The following CHD2 variants were observed in gnomAD, a reference collection of about 807,000 sequenced individuals.
The protein encoded by CHD2 is ATP-dependent chromatin remodeler CHD2.
CHD2 carries 28 observed loss-of-function variants against 243.9 expected under a neutral mutation model. The observed-to-expected ratio is 0.11, with a 90% CI of 0.09 to 0.16. The LOEUF (loss-of-function observed/expected upper bound fraction) is 0.16. CHD2 is among the 10% of genes least tolerant of loss of function. CHD2 has a pLI of 1.00. For synonymous variants in CHD2, 775 were observed against 779.0 expected (o/e 0.99, Z 0.09); for missense variants, 1,386 against 2,209.8 (o/e 0.63, Z 7.47).
chr15:92,946,878 G>C (rs938655654), intron 12 of CHD2: 2 of 151,730 alleles, frequency 1.3e-5, no homozygotes, highest in African/African-American at 2.4e-5. Context: ...CGGCAGGATT[G>C]CTTGAGCACA....
intron 25 of CHD2, 88 bp from the exon 26 acceptor site, chr15:92,985,410 C>T (rs2054029773): frequency 1.5e-6 from 2 of 1,330,774 alleles, no homozygotes; most frequent in African/African-American, 2.9e-5. Context: ...GTTCTGAATA[C>T]TAAAGAATTA....
chr15:92,998,220 A>T lies in CHD2; in HGVS notation c.3886-279A>T. 1 of 1,093,958 alleles carries T rather than the reference A, an allele frequency of 9.1e-7. No individual in the cohort carries two copies. Among genetic ancestry groups the T allele is most frequent in the Non-Finnish European group, 1.1e-6 (1 of 898,230 alleles). 67.8% of individuals were successfully genotyped at this position (1,093,958 alleles called of 1,614,324 possible). A position where few individuals can be genotyped will look rare whatever the true frequency, so the allele number is the denominator to read the frequency against. ...GGATGCTCTAGCAGATGAAGCCACA[A>T]GCCCCTCCTACCTGAGTTGTTCTAC... On this transcript the variant is annotated intron_variant, in intron 30 of 38. Transcript: ENST00000394196. The surrounding 1 kb of genome is among the most constrained non-coding windows in gnomAD (Gnocchi z 5.1).
At chr15:92,945,681 A>C (rs1041522706) in intron 10 of CHD2, 140 bp from the exon 11 acceptor site, 2 of 494,768 alleles carry the variant, frequency 4.0e-6, no homozygotes, top group African/African-American at 4.0e-5. Context: ...TACAGGCGTG[A>C]GCCACTATAA....
Position 93,020,211 on chromosome 15 carries a change from G to A in CHD2, c.5106G>A (p.Gln1702=), listed in dbSNP as rs781108294. The A allele has an allele frequency of 6.4e-5, 104 of 1,614,070 alleles. 2 individuals carry two copies. The South Asian group carries it at 9.6e-4, about 15-fold the overall frequency. The part of the protein sequence containing the change: ...NNMSRKRPYD[Q]YSSDRDHRGH... Reference sequence around the variant, plus strand: ...TGTCCAGAAAGAGGCCTTATGACCAGTACAGCAGTGACCGAGACCACCGGG... The same window carrying A: ...TGTCCAGAAAGAGGCCTTATGACCAATACAGCAGTGACCGAGACCACCGGG... The change falls in exon 38 of 39, where the codon CAG becomes CAA. Residue 1702 remains glutamine (Q), a synonymous_variant. Coordinates refer to ENST00000394196, the MANE Select transcript of CHD2 (RefSeq NM_001271.4).
intron 19 of CHD2, among the ~76,000 whole-genome samples, chr15:92,972,901 G>A (rs2053861108): frequency 6.6e-6 from 1 of 152,030 alleles, no homozygotes; most frequent in African/African-American, 2.4e-5. Flanking sequence ...ATTTTTACTT[G>A]CATGCCTTTA....
chr15:92,986,435 G>C (rs2054043815), intron 26 of CHD2, among the ~76,000 whole-genome samples: 1 of 151,870 alleles, frequency 6.6e-6, no homozygotes, highest in African/African-American at 2.4e-5. Context: ...TTCACTTAAA[G>C]GTCACACCTA....
Position 92,981,465 on chromosome 15 carries a change from G to A in CHD2, c.3066+8G>A, listed in dbSNP as rs376968734. 3 of 1,601,096 alleles carry A rather than the reference G, an allele frequency of 1.9e-6. No individual in the cohort carries two copies. The African/African-American group carries it at 4.0e-5, about 21-fold the overall frequency. ...CTTCTATCACAGTTTAAGGTATGAA[G>A]ATCTTTGTGGGAGAGAGTTCTCAGC... On this transcript the variant is annotated splice_region_variant and intron_variant, in intron 24 of 38. Coordinates refer to ENST00000394196, the MANE Select transcript of CHD2 (RefSeq NM_001271.4).
chr15:92,941,882 A>G lies in CHD2; in HGVS notation c.753A>G (p.Glu251=), dbSNP rs368486032. The change falls in exon 8 of 39, where the codon GAA becomes GAG. Residue 251 remains glutamate (E), a synonymous_variant. Transcript: ENST00000394196. ...ATGATCTCATTGAAATGACTGGAGA[A>G]GGAGTTGATGAACAGCAAGATAATA... is the stretch of plus-strand genomic sequence containing the variant. ...DSDDLIEMTG[E]GVDEQQDNSE... 39 of 1,613,236 alleles carry G rather than the reference A, an allele frequency of 2.4e-5. No individual in the cohort carries two copies. In the African/African-American group the frequency reaches 4.0e-4, roughly 17 times the overall value.
In CHD2 at chr15:93,002,163, G is replaced by A. The variant is rs1486684796; in HGVS notation, c.4138-14G>A. On this transcript the variant is annotated splice_polypyrimidine_tract_variant and intron_variant, in intron 32 of 38. Coordinates refer to ENST00000394196, the MANE Select transcript of CHD2 (RefSeq NM_001271.4). ...ATTTGTAGCAAAAATTCATAGCCCT[G>A]TTTTGTTTCCTAGGATGATGGCTTG... 5 of 1,578,090 alleles carry A rather than the reference G, an allele frequency of 3.2e-6. No individual in the cohort carries two copies. The highest frequency in any genetic ancestry group is 2.1e-5 in the Admixed American group (1 of 48,406).
intron 2 of CHD2, among the ~76,000 whole-genome samples, chr15:92,923,683 A>G (rs941981914): frequency 8.7e-5 from 13 of 150,174 alleles, no homozygotes; most frequent in Admixed American, 5.4e-4. Flanking sequence ...CTTCTGCCTC[A>G]GTCTCCCGAG....
At position 92,982,443 on chromosome 15, in the gene CHD2, A is replaced by G. The variant is rs569894239; in HGVS notation, c.3066+986A>G. Among the ~76,000 whole-genome samples the G allele has an allele frequency of 2.6e-5, 4 of 152,300 alleles. No individual in the cohort carries two copies. In the East Asian group the frequency reaches 7.7e-4, roughly 29 times the overall value. On this transcript the variant is annotated intron_variant, in intron 24 of 38. Transcript: ENST00000394196. The stretch of plus-strand genomic sequence containing the variant: ...CCGTGGAGCCAGTCAGCAGGGTCAT[A>G]TGACTTTCTCCAGCAATACTTTTGA...
In CHD2 at chr15:92,927,226, G is replaced by C. The variant is rs747188522; in HGVS notation, c.295-18G>C. 1.2e-5 allele frequency: 19 copies of C among 1,563,208 alleles called. No individual in the cohort carries two copies. The Admixed American group carries it at 2.4e-4, about 19-fold the overall frequency. On this transcript the variant is annotated intron_variant, in intron 3 of 38. Transcript: ENST00000394196. ...GGGTCAAGAAAAAAGATTAATGCGT[G>C]GTCTCTTAATTTTACAGATGTGGGA...
chr15:93,015,224 G>A (rs1403137664), intron 37 of CHD2, among the ~76,000 whole-genome samples: 1 of 152,038 alleles, frequency 6.6e-6, no homozygotes, highest in Non-Finnish European at 1.5e-5. Context: ...GATTACAGAT[G>A]TGCACCACCA....
intron 26 of CHD2, among the ~76,000 whole-genome samples, chr15:92,988,551 T>C (rs899472293): frequency 6.6e-6 from 1 of 152,242 alleles, no homozygotes; most frequent in African/African-American, 2.4e-5. Flanking sequence ...GACTCTCTTT[T>C]AGCATTTTAT....
chr15:93,000,418 G>C, intron 31 of CHD2, 94 bp from the exon 32 acceptor site: 1 of 1,229,740 alleles, frequency 8.1e-7, no homozygotes, highest in South Asian at 1.7e-5. Context: ...TGAATTATAT[G>C]GCTGCTACTG....
intron 4 of CHD2, among the ~76,000 whole-genome samples, chr15:92,928,415 C>G (rs1167895606): frequency 6.6e-6 from 1 of 152,208 alleles, no homozygotes; most frequent in Non-Finnish European, 1.5e-5. Flanking sequence ...AGAGAAAGAG[C>G]TACTGAAATG....
chr15:92,954,898 C>T (rs764477062), intron 14 of CHD2, among the ~76,000 whole-genome samples: 10 of 152,070 alleles, frequency 6.6e-5, no homozygotes, highest in Non-Finnish European at 1.2e-4. Flanking sequence ...ATGTACTCAT[C>T]TTTGTGTTCT....
intron 14 of CHD2, among the ~76,000 whole-genome samples, 198 bp from the exon 15 acceptor site, chr15:92,955,225 G>A (rs1053346482): frequency 2.0e-5 from 3 of 152,058 alleles, no homozygotes; most frequent in Non-Finnish European, 4.4e-5. Context: ...TTTGCTGTTC[G>A]GTGGTCAGTG....
At chr15:92,938,515 G>A (rs2053304314) in intron 6 of CHD2, among the ~76,000 whole-genome samples, 1 of 152,102 alleles carries the variant, frequency 6.6e-6, no homozygotes, top group Non-Finnish European at 1.5e-5. Context: ...TCTGGCCTAG[G>A]ACATTGTACT....
Sources: gnomAD v4.1 joint callset for allele counts (sites outside exome capture counted in the v4.1 genomes callset) on GRCh38, gnomAD v4.1.1 for gene constraint, Gnocchi (gnomAD v3.1) non-coding constraint, MANE v1.5 for transcripts, NCBI Gene and HGNC (gene_info 2026-07-23, HGNC 2026-07-21) for gene names.